AGBL1: variants seen among roughly 807,000 people sequenced by gnomAD.
AGBL1 encodes the protein AGBL carboxypeptidase 1.
A neutral mutation model predicts 118.9 loss-of-function variants in AGBL1; 130 were observed. That is an observed-to-expected ratio of 1.09 (90% CI 0.95 to 1.26). AGBL1 has a LOEUF of 1.26. Among genes scored for constraint, AGBL1 ranks in the 50% most tolerant of loss-of-function variants. The probability of loss-of-function intolerance (pLI) is 0.00; values close to 1 mark genes in which losing one functional copy is unlikely to be tolerated. For missense variants in AGBL1, 1,584 were observed against 1,298.1 expected (o/e 1.22, Z -3.38); for synonymous variants, 555 against 478.9 (o/e 1.16, Z -2.08).
chr15:86,681,364 C>T (rs2085952915), intron 22 of AGBL1, among the ~76,000 whole-genome samples: 1 of 152,166 alleles, frequency 6.6e-6, no homozygotes. Context: ...ATTGCCAGCT[C>T]ACTTTCCATT....
intron 5 of AGBL1, among the ~76,000 whole-genome samples, chr15:86,223,434 A>C (rs1419656457): frequency 6.6e-6 from 1 of 152,156 alleles, no homozygotes; most frequent in African/African-American, 2.4e-5. Context: ...GCCCCAGCCC[A>C]AGCCAGGCCC....
At chr15:86,147,754 G>C (rs894546002) in intron 3 of AGBL1, among the ~76,000 whole-genome samples, 4 of 152,158 alleles carry the variant, frequency 2.6e-5, no homozygotes, top group African/African-American at 9.7e-5. Flanking sequence ...AGAGAGCAAT[G>C]GTTCTCCCAG....
intron 22 of AGBL1, among the ~76,000 whole-genome samples, chr15:86,699,217 A>G (rs2086314460): frequency 6.6e-6 from 1 of 152,084 alleles, no homozygotes; most frequent in East Asian, 1.9e-4. Context: ...ATTTTATTAT[A>G]CACAGACTAT....
At chr15:86,789,558 C>T (rs11858573) in intron 22 of AGBL1, among the ~76,000 whole-genome samples, 43,031 of 152,012 alleles carry the variant, frequency 0.28, 7,441 homozygotes, top group Non-Finnish European at 0.4. Context: ...AGTAATGAGC[C>T]TTTAAATTAT....
intron 5 of AGBL1, among the ~76,000 whole-genome samples, chr15:86,169,798 C>A (rs1368668166): frequency 6.6e-6 from 1 of 152,172 alleles, no homozygotes; most frequent in Non-Finnish European, 1.5e-5. Context: ...ACAGAGCTGA[C>A]TGTTGTTACC....
chr15:86,562,277 G>C (rs559853382), intron 21 of AGBL1, among the ~76,000 whole-genome samples: 1 of 152,254 alleles, frequency 6.6e-6, no homozygotes, highest in East Asian at 1.9e-4. Flanking sequence ...TTGGCTGTGG[G>C]TTTGTCATAA....
intron 5 of AGBL1, among the ~76,000 whole-genome samples, chr15:86,177,423 A>G (rs937273133): frequency 1.3e-5 from 2 of 152,204 alleles, no homozygotes; most frequent in African/African-American, 4.8e-5. Flanking sequence ...TAGATGATTT[A>G]AATAACACTA....
At chr15:86,991,430 T>A (rs1270560331) in intron 24 of AGBL1, among the ~76,000 whole-genome samples, 1 of 151,876 alleles carries the variant, frequency 6.6e-6, no homozygotes, top group Non-Finnish European at 1.5e-5. Context: ...TTTTTGTTCA[T>A]TTCAGATTTA....
intron 17 of AGBL1, among the ~76,000 whole-genome samples, chr15:86,359,659 C>G (rs1023650020): frequency 7.3e-5 from 11 of 151,638 alleles, no homozygotes; most frequent in African/African-American, 2.4e-4. Context: ...AGTATTAATT[C>G]TTACAATCCT....
intron 21 of AGBL1, among the ~76,000 whole-genome samples, chr15:86,592,324 A>T (rs537077203): frequency 6.9e-4 from 105 of 152,384 alleles, no homozygotes; most frequent in African/African-American, 2.5e-3. Flanking sequence ...GCCAAGGGGC[A>T]TAAGGCAGAG....
chr15:86,402,377 G>A (rs984207776), intron 18 of AGBL1, among the ~76,000 whole-genome samples: 1 of 151,894 alleles, frequency 6.6e-6, no homozygotes, highest in Non-Finnish European at 1.5e-5. Context: ...GGGTTTTCTA[G>A]GTATATAATC....
intron 21 of AGBL1, among the ~76,000 whole-genome samples, chr15:86,632,260 C>A (rs974547003): frequency 5.8e-5 from 8 of 137,974 alleles, no homozygotes; most frequent in Middle Eastern, 3.7e-3. Context: ...AGCGCAAGAC[C>A]CTGTCTTTCT....
intron 18 of AGBL1, among the ~76,000 whole-genome samples, chr15:86,517,100 G>A (rs1157318025): frequency 6.6e-6 from 1 of 152,202 alleles, no homozygotes; most frequent in Non-Finnish European, 1.5e-5. Context: ...AAATGGGTTG[G>A]GCAAGTATGT....
intron 6 of AGBL1, among the ~76,000 whole-genome samples, chr15:86,235,142 C>T (rs1002119030): frequency 5.3e-5 from 8 of 152,178 alleles, no homozygotes; most frequent in African/African-American, 1.9e-4. Context: ...AATTTGCTGA[C>T]CCCCTACTTT....
At chr15:86,607,629 C>T (rs2084596213) in intron 21 of AGBL1, among the ~76,000 whole-genome samples, 1 of 152,142 alleles carries the variant, frequency 6.6e-6, no homozygotes, top group South Asian at 2.1e-4. Flanking sequence ...AGTGGTATCT[C>T]ACTGTTGCTT....
At chr15:86,156,045 C>T (rs2077185261) in intron 4 of AGBL1, among the ~76,000 whole-genome samples, 5 of 152,140 alleles carry the variant, frequency 3.3e-5, no homozygotes, top group Middle Eastern at 3.4e-3. Flanking sequence ...TCTCAGCCTC[C>T]CGAGTAGCTG....
intron 22 of AGBL1, among the ~76,000 whole-genome samples, chr15:86,763,961 T>C (rs1355307666): frequency 2.6e-5 from 4 of 151,928 alleles, no homozygotes; most frequent in East Asian, 1.9e-4. Context: ...TAGAATAGGA[T>C]TGTGGGATGG....
chr15:86,272,068 A>T (rs1207842833), intron 15 of AGBL1, among the ~76,000 whole-genome samples: 3 of 152,198 alleles, frequency 2.0e-5, no homozygotes, highest in African/African-American at 7.2e-5. Context: ...AATGTCTGAG[A>T]TGTTCTATCC....
chr15:86,555,429 G>T (rs1331490685), intron 21 of AGBL1, among the ~76,000 whole-genome samples: 1 of 152,160 alleles, frequency 6.6e-6, no homozygotes, highest in African/African-American at 2.4e-5. Context: ...TTACCAAAGA[G>T]AGTACAGGGT....
Sources: allele counts gnomAD v4.1 joint callset (sites outside exome capture counted in the v4.1 genomes callset), GRCh38; gene constraint gnomAD v4.1.1; transcripts MANE v1.5; gene names NCBI Gene and HGNC (gene_info 2026-07-23, HGNC 2026-07-21).